CNTNAP5: variants seen among roughly 807,000 people sequenced by gnomAD.
The protein encoded by CNTNAP5 is contactin-associated protein-like 5.
CNTNAP5 carries 72 observed loss-of-function variants against 150.2 expected under a neutral mutation model. That is an observed-to-expected ratio of 0.48 (90% CI 0.40 to 0.58). CNTNAP5 has a LOEUF of 0.58. CNTNAP5 is among the 20% of genes least tolerant of loss of function. CNTNAP5 has a pLI of 0.00. For synonymous variants in CNTNAP5, 672 were observed against 619.8 expected (o/e 1.08, Z -1.25); for missense variants, 1,636 against 1,626.2 (o/e 1.01, Z -0.10).
At chr2:124,677,628 C>T (rs916040272) in intron 13 of CNTNAP5, among the ~76,000 whole-genome samples, 2 of 149,580 alleles carry the variant, frequency 1.3e-5, no homozygotes, top group African/African-American at 4.9e-5. Context: ...TACAATCCTT[C>T]AGCTAGACAC....
At chr2:124,813,057 G>T (rs10189843) in intron 19 of CNTNAP5, among the ~76,000 whole-genome samples, 42,073 of 151,434 alleles carry the variant, frequency 0.28, 7,672 homozygotes, top group African/African-American at 0.52. Context: ...TCAGCTCTGG[G>T]TTTTTTTTGC....
At chr2:124,383,123 C>G (rs1321858497) in intron 3 of CNTNAP5, among the ~76,000 whole-genome samples, 1 of 152,108 alleles carries the variant, frequency 6.6e-6, no homozygotes, top group Admixed American at 6.5e-5. Flanking sequence ...CACAATGACC[C>G]GTACATTTCC....
chr2:124,687,346 A>T (rs948661907), intron 13 of CNTNAP5, among the ~76,000 whole-genome samples: 35 of 151,978 alleles, frequency 2.3e-4, no homozygotes, highest in African/African-American at 7.5e-4. Flanking sequence ...CACCCAATTT[A>T]TCTAGATGAC....
Position 124,504,703 on chromosome 2 carries a change from ATTTTTTTTTTTTT to A in CNTNAP5, c.1327+158_1327+170del, listed in dbSNP as rs34518488. 1.6e-5 allele frequency: 6 copies of A among 370,428 alleles called. No individual in the cohort carries two copies. The East Asian group carries it at 2.0e-4, about 13-fold the overall frequency. The allele number at this position is 370,428 out of a possible 1,614,324, so 22.9% of individuals were successfully genotyped here. ...TGTACTCCAAGTCTGAAGAGGCAGCATTTTTTTTTTTTTTTTTTTTTTTGAAGATGGAGTCTTG... is the reference window on the plus strand; with the variant it reads ...TGTACTCCAAGTCTGAAGAGGCAGCATTTTTTTTTTGAAGATGGAGTCTTG... On this transcript the variant is annotated intron_variant, in intron 8 of 23. Coordinates refer to ENST00000682447, the MANE Select transcript of CNTNAP5 (RefSeq NM_001367498.1).
Position 124,899,125 on chromosome 2 carries a change from C to G in CNTNAP5, c.3437-3757C>G, listed in dbSNP as rs191454349. 1.4e-3 allele frequency among the ~76,000 whole-genome samples: 206 copies of G among 151,508 alleles called. 7 individuals are homozygous for G. Among genetic ancestry groups the G allele is most frequent in the African/African-American group, 4.9e-3 (200 of 40,964 alleles). ...GCCATTCTACAATGTATGCATATATCAAAACATCATGTTGTGCAATATAAA... is the reference window on the plus strand; with the variant it reads ...GCCATTCTACAATGTATGCATATATGAAAACATCATGTTGTGCAATATAAA... On this transcript the variant is annotated intron_variant, in intron 21 of 23. Transcript: ENST00000682447.
At chr2:124,233,274 G>A in intron 2 of CNTNAP5, among the ~76,000 whole-genome samples, 1 of 152,050 alleles carries the variant, frequency 6.6e-6, no homozygotes. Context: ...TAAGCTATCA[G>A]AGTGTGAGCC....
chr2:124,149,362 C>T (rs1376804053), intron 1 of CNTNAP5, among the ~76,000 whole-genome samples: 1 of 127,270 alleles, frequency 7.9e-6, no homozygotes, highest in African/African-American at 3.0e-5. Context: ...AAGGAACATG[C>T]ATTTGCTAGC....
intron 3 of CNTNAP5, among the ~76,000 whole-genome samples, chr2:124,248,909 A>T (rs560356260): frequency 6.6e-6 from 1 of 152,334 alleles, no homozygotes; most frequent in South Asian, 2.1e-4. Context: ...ATCTGCTTAA[A>T]ATTAATTCTC....
chr2:124,233,565 A>T (rs1686675414), intron 2 of CNTNAP5, among the ~76,000 whole-genome samples: 1 of 152,112 alleles, frequency 6.6e-6, no homozygotes, highest in Non-Finnish European at 1.5e-5. Context: ...GGAGGATGGA[A>T]TTACCATCGC....
intron 12 of CNTNAP5, among the ~76,000 whole-genome samples, chr2:124,613,573 A>T: frequency 6.6e-6 from 1 of 152,200 alleles, no homozygotes; most frequent in East Asian, 1.9e-4. Flanking sequence ...AATGGATGTC[A>T]TGGGACTGAA....
At chr2:124,575,730 G>A (rs1696268745) in intron 11 of CNTNAP5, among the ~76,000 whole-genome samples, 1 of 152,154 alleles carries the variant, frequency 6.6e-6, no homozygotes, top group Non-Finnish European at 1.5e-5. Context: ...ATGCACTTTG[G>A]CTTTTCTTGT....
At chr2:124,497,742 A>C (rs2104856476) in intron 7 of CNTNAP5, among the ~76,000 whole-genome samples, 1 of 152,290 alleles carries the variant, frequency 6.6e-6, no homozygotes, top group African/African-American at 2.4e-5. Context: ...AGGTTTAGGA[A>C]TGTTTGACTA....
chr2:124,688,714 T>G (rs1282078312), intron 13 of CNTNAP5, among the ~76,000 whole-genome samples: 2 of 152,090 alleles, frequency 1.3e-5, no homozygotes, highest in Non-Finnish European at 2.9e-5. Flanking sequence ...AAATATCTAA[T>G]CAGATGGACC....
At chr2:124,864,671 A>C (rs1677593569) in intron 19 of CNTNAP5, among the ~76,000 whole-genome samples, 1 of 152,146 alleles carries the variant, frequency 6.6e-6, no homozygotes, top group African/African-American at 2.4e-5. Flanking sequence ...TCATTTTGTA[A>C]GAAATGCTGA....
At chr2:124,804,247 A>G (rs1163035714) in intron 19 of CNTNAP5, among the ~76,000 whole-genome samples, 1 of 152,132 alleles carries the variant, frequency 6.6e-6, no homozygotes, top group Non-Finnish European at 1.5e-5. Context: ...TCTCCTAGGG[A>G]AGGTCAATGG....
intron 1 of CNTNAP5, among the ~76,000 whole-genome samples, chr2:124,038,729 T>C (rs1037830148): frequency 4.6e-5 from 7 of 152,256 alleles, no homozygotes; most frequent in Admixed American, 2.0e-4. Context: ...CCATCCAGCC[T>C]GCCCTTCTTC....
At chr2:124,544,983 G>T (rs376286168) in intron 10 of CNTNAP5, among the ~76,000 whole-genome samples, 2 of 151,968 alleles carry the variant, frequency 1.3e-5, no homozygotes, top group Admixed American at 1.3e-4. Context: ...CAACATCCTT[G>T]CAAAGAAGTG....
chr2:124,381,380 TA>T (rs1337768290), intron 3 of CNTNAP5, among the ~76,000 whole-genome samples: 1 of 152,094 alleles, frequency 6.6e-6, no homozygotes, highest in Non-Finnish European at 1.5e-5. Flanking sequence ...TGACACCAGT[TA>T]AGAAGTCATT....
chr2:124,761,047 A>C (rs1211731729), intron 14 of CNTNAP5, among the ~76,000 whole-genome samples: 1 of 152,094 alleles, frequency 6.6e-6, no homozygotes, highest in African/African-American at 2.4e-5. Flanking sequence ...TCTCAACTGT[A>C]CTTAGGAAGG....
Sources: gnomAD v4.1 joint callset for allele counts (sites outside exome capture counted in the v4.1 genomes callset) on GRCh38, gnomAD v4.1.1 for gene constraint, MANE v1.5 for transcripts, NCBI Gene and HGNC (gene_info 2026-07-23, HGNC 2026-07-21) for gene names.